EXTL3: variants seen among roughly 807,000 people sequenced by gnomAD.
EXTL3 encodes exostosin like glycosyltransferase 3, also known as exostosin-like 3.
A neutral mutation model predicts 69.3 loss-of-function variants in EXTL3; 27 were observed. The ratio of observed to expected loss-of-function variants is 0.39; its 90% CI spans 0.29 to 0.54. The LOEUF (loss-of-function observed/expected upper bound fraction) is 0.54, where lower values mean the gene tolerates loss of function less well. Among genes scored for constraint, EXTL3 ranks in the 20% least tolerant of loss-of-function variants. The pLI, the probability that EXTL3 is intolerant of heterozygous loss-of-function variation, is 0.69. For missense variants in EXTL3, 1,003 were observed against 1,231.8 expected (o/e 0.81, Z 2.78); for synonymous variants, 511 against 499.4 (o/e 1.02, Z -0.31).
chr8:28,736,093 C>G (rs923434103), intron 4 of EXTL3, among the ~76,000 whole-genome samples: 1 of 152,056 alleles, frequency 6.6e-6, no homozygotes, highest in Non-Finnish European at 1.5e-5. Flanking sequence ...TTGCACGACA[C>G]TGTGAATGTC....
chr8:28,728,030 G>A (rs553325023), intron 3 of EXTL3, among the ~76,000 whole-genome samples: 1 of 152,348 alleles, frequency 6.6e-6, no homozygotes, highest in East Asian at 1.9e-4. Flanking sequence ...TAAGCTGTGT[G>A]AGGGGGAGCT....
At chr8:28,684,951 A>G (rs1807552143) in intron 1 of EXTL3, among the ~76,000 whole-genome samples, 1 of 78,974 alleles carries the variant, frequency 1.3e-5, no homozygotes. Context: ...AATAACAATA[A>G]TGTTGTGTTT....
upstream of EXTL3, among the ~76,000 whole-genome samples, chr8:28,622,307 G>A (rs1040026225): frequency 6.6e-6 from 1 of 152,248 alleles, no homozygotes; most frequent in African/African-American, 2.4e-5. Flanking sequence ...CCCAGCGACC[G>A]GCGCCCTCTG....
At chr8:28,683,312 G>A (rs943995854) in intron 1 of EXTL3, among the ~76,000 whole-genome samples, 2 of 152,108 alleles carry the variant, frequency 1.3e-5, no homozygotes, top group African/African-American at 2.4e-5. Context: ...GATAGGGATT[G>A]CATGGAATCT....
chr8:28,712,400 G>A (rs987438632), intron 1 of EXTL3, among the ~76,000 whole-genome samples: 1 of 152,150 alleles, frequency 6.6e-6, no homozygotes, highest in Non-Finnish European at 1.5e-5. Flanking sequence ...CGATGGTCCT[G>A]GTTGCTGTGT....
chr8:28,737,001 G>A (rs1304682921), intron 4 of EXTL3, among the ~76,000 whole-genome samples: 1 of 152,142 alleles, frequency 6.6e-6, no homozygotes, highest in Admixed American at 6.5e-5. Flanking sequence ...TGTAGAGACA[G>A]GATCTTGCTA....
chr8:28,718,297 A>T (rs1485232913), intron 3 of EXTL3, 90 bp downstream of exon 3: 6 of 1,288,632 alleles, frequency 4.7e-6, no homozygotes, highest in Non-Finnish European at 6.7e-6. Context: ...TAGCAATCGT[A>T]ACTTCTAGCA....
At chr8:28,682,818 C>A (rs1006171984) in intron 1 of EXTL3, among the ~76,000 whole-genome samples, 20 of 152,106 alleles carry the variant, frequency 1.3e-4, no homozygotes, top group African/African-American at 4.8e-4. Context: ...AGGGTCATAT[C>A]CAAAAAATCA....
Position 28,626,743 on chromosome 8 carries a change from A to T in EXTL3, c.-53+3933A>T, listed in dbSNP as rs1806497125. On this transcript the variant is annotated intron_variant, in intron 1 of 6. Transcript: ENST00000523149. ...AATCAGCTCCAGGTGCAGTCTTTTCATACAGGGCTCATTCTGAACAGCAGA... is the reference window on the plus strand; with the variant it reads ...AATCAGCTCCAGGTGCAGTCTTTTCTTACAGGGCTCATTCTGAACAGCAGA... Among the ~76,000 whole-genome samples the T allele has an allele frequency of 2.0e-5, 3 of 152,208 alleles. No homozygotes were observed. The South Asian group carries it at 6.2e-4, about 31-fold the overall frequency.
chr8:28,651,338 T>C (rs551935713), intron 1 of EXTL3, among the ~76,000 whole-genome samples: 1 of 152,302 alleles, frequency 6.6e-6, no homozygotes, highest in Non-Finnish European at 1.5e-5. Context: ...TCTTCTGTTT[T>C]TTTCAAAGAC....
chr8:28,616,126 T>C (rs1232351188), intron 2 of EXTL3, among the ~76,000 whole-genome samples: 3 of 152,146 alleles, frequency 2.0e-5, no homozygotes, highest in Admixed American at 2.0e-4. Flanking sequence ...AAAAATGTAA[T>C]GAAGTATTCT....
At chr8:28,706,416 A>AT (rs1178963756) in intron 1 of EXTL3, among the ~76,000 whole-genome samples, 2 of 152,196 alleles carry the variant, frequency 1.3e-5, no homozygotes, top group East Asian at 3.8e-4. Context: ...TAGTATGAGC[A>AT]TTTTGGAAGT....
At chr8:28,691,756 G>A (rs912749592) in intron 1 of EXTL3, among the ~76,000 whole-genome samples, 1 of 151,834 alleles carries the variant, frequency 6.6e-6, no homozygotes, top group African/African-American at 2.4e-5. Context: ...AATTAGCCAG[G>A]CGTGGTGGCG....
chr8:28,642,693 C>G (rs1806763766), intron 1 of EXTL3, among the ~76,000 whole-genome samples: 1 of 152,098 alleles, frequency 6.6e-6, no homozygotes, highest in African/African-American at 2.4e-5. Context: ...ATGAATTGAC[C>G]TATTCCAAAA....
At chr8:28,618,306 A>T (rs1295753735), upstream of EXTL3, among the ~76,000 whole-genome samples, 1 of 148,332 alleles carries the variant, frequency 6.7e-6, no homozygotes, top group Non-Finnish European at 1.5e-5. Flanking sequence ...ATCTCTACTT[A>T]AAAAAAAGGT....
intron 1 of EXTL3, among the ~76,000 whole-genome samples, chr8:28,690,569 T>C (rs1800599454): frequency 6.6e-6 from 1 of 152,110 alleles, no homozygotes; most frequent in African/African-American, 2.4e-5. Context: ...TACAGATTAT[T>C]TCATCAAGCT....
In EXTL3 at chr8:28,687,031, T is replaced by C. The variant is rs561140305; in HGVS notation, c.-52-26426T>C. ...AGGACTCGGGGAAGCCATGAGACTTTGAGGTGGGACTGTCAGGCCCTGATA... is the reference window on the plus strand; with the variant it reads ...AGGACTCGGGGAAGCCATGAGACTTCGAGGTGGGACTGTCAGGCCCTGATA... On this transcript the variant is annotated intron_variant, in intron 1 of 6. Coordinates refer to the EXTL3 transcript ENST00000523149. 9.2e-5 allele frequency among the ~76,000 whole-genome samples: 14 copies of C among 152,260 alleles called. No homozygotes were observed. The East Asian group carries it at 2.7e-3, about 29-fold the overall frequency.
In EXTL3 at chr8:28,750,718, C is replaced by A. The variant is rs1241855800; in HGVS notation, c.2612C>A (p.Ser871Tyr). 1 of 1,614,194 alleles carries A rather than the reference C, an allele frequency of 6.2e-7. No homozygotes were observed. Among genetic ancestry groups the A allele is most frequent in the Non-Finnish European group, 8.5e-7 (1 of 1,180,024 alleles). ...CCTCAGGCCCTGTCTCATGATGACT[C>A]CCACTTCCACGAGCGGCACAAGTGC... ...GCPQALSHDD[S>Y]HFHERHKCIN... The change falls in exon 7 of 7, where the codon TCC becomes TAC. Residue 871 changes from serine (S) to tyrosine (Y), a missense_variant. By Grantham distance (144) the Ser-to-Tyr change is moderately radical. Coordinates refer to ENST00000220562, the MANE Select transcript of EXTL3 (RefSeq NM_001440.4). The surrounding 1 kb of genome is among the most constrained non-coding windows in gnomAD (Gnocchi z 5.2).
chr8:28,729,703 T>A (rs1289670572), intron 3 of EXTL3, among the ~76,000 whole-genome samples: 1 of 149,020 alleles, frequency 6.7e-6, no homozygotes, highest in Non-Finnish European at 1.5e-5. Context: ...GGGTTTGGAA[T>A]CAAAGTATGA....
Sources: allele counts gnomAD v4.1 joint callset (sites outside exome capture counted in the v4.1 genomes callset), GRCh38; gene constraint gnomAD v4.1.1; non-coding constraint Gnocchi (gnomAD v3.1); transcripts MANE v1.5; gene names NCBI Gene and HGNC (gene_info 2026-07-23, HGNC 2026-07-21).